The following CSMD1 variants were observed in gnomAD, a reference collection of about 807,000 sequenced individuals.
CSMD1 encodes the protein CUB and sushi domain-containing protein 1.
Under a neutral mutation model 417.5 loss-of-function variants are expected in CSMD1, and 213 were observed. The observed-to-expected ratio is 0.51, with a 90% CI of 0.46 to 0.57. CSMD1 has a LOEUF of 0.57. Among genes scored for constraint, CSMD1 ranks in the 20% least tolerant of loss-of-function variants. The probability of loss-of-function intolerance (pLI) is 0.00; values close to 1 mark genes in which losing one functional copy is unlikely to be tolerated. For missense variants in CSMD1, 6,923 were observed against 4,529.7 expected (o/e 1.53, Z -15.17); for synonymous variants, 2,862 against 1,736.8 (o/e 1.65, Z -16.11).
chr8:3,320,012 C>T (rs1162540126), intron 23 of CSMD1, among the ~76,000 whole-genome samples: 1 of 152,120 alleles, frequency 6.6e-6, no homozygotes, highest in Non-Finnish European at 1.5e-5. Flanking sequence ...ATAGACCGGG[C>T]CCCAACTTCA....
chr8:4,246,931 G>C (rs879580781), intron 3 of CSMD1, among the ~76,000 whole-genome samples: 2 of 152,178 alleles, frequency 1.3e-5, no homozygotes, highest in Non-Finnish European at 2.9e-5. Flanking sequence ...TTGTAAGAGA[G>C]AATGTAGATA....
chr8:4,253,463 A>T (rs1803227211), intron 3 of CSMD1, among the ~76,000 whole-genome samples: 1 of 152,174 alleles, frequency 6.6e-6, no homozygotes, highest in Non-Finnish European at 1.5e-5. Context: ...CCTAATAAAC[A>T]TTTGTTGTTT....
intron 2 of CSMD1, among the ~76,000 whole-genome samples, chr8:4,512,071 G>C (rs148597036): frequency 6.6e-6 from 1 of 152,014 alleles, no homozygotes; most frequent in East Asian, 1.9e-4. Flanking sequence ...ATTCAACAAC[G>C]TATAAAAAGA....
At chr8:4,555,227 C>T (rs934016957) in intron 2 of CSMD1, among the ~76,000 whole-genome samples, 2 of 152,170 alleles carry the variant, frequency 1.3e-5, no homozygotes, top group African/African-American at 2.4e-5. Context: ...GACCAGCTTA[C>T]GGGTTATTGC....
chr8:4,344,189 T>C (rs1171838689), intron 3 of CSMD1, among the ~76,000 whole-genome samples: 1 of 152,126 alleles, frequency 6.6e-6, no homozygotes, highest in Non-Finnish European at 1.5e-5. Flanking sequence ...TTCAGATTTC[T>C]CTGTAACCGT....
chr8:4,633,310 G>C lies in CSMD1; in HGVS notation c.302+4032C>G, dbSNP rs187121314. Reference sequence around the variant, plus strand: ...CCCCCAGGCTGGAGTGCAGTGGTGCGATCTCGGCTCACTGAAAGCTCCGCC... The same window carrying C: ...CCCCCAGGCTGGAGTGCAGTGGTGCCATCTCGGCTCACTGAAAGCTCCGCC... On this transcript the variant is annotated intron_variant, in intron 2 of 69. Transcript: ENST00000635120. 2.1e-3 allele frequency among the ~76,000 whole-genome samples: 323 copies of C among 151,974 alleles called. 1 individual carries two copies. Among genetic ancestry groups the C allele is most frequent in the African/African-American group, 7.4e-3 (305 of 41,450 alleles).
intron 3 of CSMD1, among the ~76,000 whole-genome samples, chr8:4,128,595 C>T (rs1802904460): frequency 6.6e-6 from 1 of 152,150 alleles, no homozygotes; most frequent in Non-Finnish European, 1.5e-5. Context: ...CCTTCAAAGA[C>T]CATTGTTACA....
At chr8:3,718,549 T>G (rs1338470065) in intron 6 of CSMD1, among the ~76,000 whole-genome samples, 1 of 152,316 alleles carries the variant, frequency 6.6e-6, no homozygotes, top group East Asian at 1.9e-4. Flanking sequence ...CAGAATCTTT[T>G]AATTTAATGT....
intron 2 of CSMD1, among the ~76,000 whole-genome samples, chr8:4,420,287 C>T (rs1797173930): frequency 6.6e-6 from 1 of 152,004 alleles, no homozygotes; most frequent in Non-Finnish European, 1.5e-5. Flanking sequence ...GAGAGAATTT[C>T]TTCTTGAAAA....
chr8:3,308,265 C>T lies in CSMD1; in HGVS notation c.3823+47G>A, dbSNP rs747489784. 7 of 1,486,236 alleles carry T rather than the reference C, an allele frequency of 4.7e-6. 1 individual carries two copies. Among genetic ancestry groups the T allele is most frequent in the Admixed American group, 3.5e-5 (2 of 57,866 alleles). The allele number at this position is 1,486,236 out of a possible 1,614,324, so 92.1% of individuals were successfully genotyped here. A position where few individuals can be genotyped will look rare whatever the true frequency, so the allele number is the denominator to read the frequency against. On this transcript the variant is annotated intron_variant, in intron 24 of 69. Transcript: ENST00000635120. ...AGTCAATGCAACATGGTGCAAGCAC[C>T]CTAAGGCCTGGCTTTTGCACAATGG...
At chr8:3,609,277 T>G (rs1166425776) in intron 8 of CSMD1, among the ~76,000 whole-genome samples, 1 of 152,166 alleles carries the variant, frequency 6.6e-6, no homozygotes, top group East Asian at 1.9e-4. Context: ...ACCCATAAAT[T>G]CTCAATACCA....
At chr8:3,740,325 C>T (rs543523943) in intron 6 of CSMD1, among the ~76,000 whole-genome samples, 28 of 152,190 alleles carry the variant, frequency 1.8e-4, no homozygotes, top group South Asian at 6.2e-4. Context: ...AGGCTGGTCT[C>T]GAACTCCTTA....
chr8:4,456,716 C>A (rs1432817517), intron 2 of CSMD1, among the ~76,000 whole-genome samples: 1 of 152,000 alleles, frequency 6.6e-6, no homozygotes, highest in Non-Finnish European at 1.5e-5. Context: ...GCATGTGGAC[C>A]CCCTGCTGCA....
intron 1 of CSMD1, among the ~76,000 whole-genome samples, chr8:4,777,959 T>A (rs571912631): frequency 1.1e-4 from 16 of 152,178 alleles, no homozygotes; most frequent in Non-Finnish European, 1.8e-4. Context: ...GTGTGACAAA[T>A]ACGTTTTACA....
intron 12 of CSMD1, among the ~76,000 whole-genome samples, chr8:3,434,245 T>C (rs1468509329): frequency 6.6e-6 from 1 of 152,226 alleles, no homozygotes; most frequent in African/African-American, 2.4e-5. Context: ...AAGGTACGAC[T>C]AAATCGTTTT....
At chr8:3,468,675 C>A in intron 12 of CSMD1, 37 bp downstream of exon 12, 1 of 1,375,092 alleles carries the variant, frequency 7.3e-7, no homozygotes, top group Non-Finnish European at 1.0e-6. Context: ...TCTTGGAATG[C>A]TAACTTCCAA....
intron 23 of CSMD1, among the ~76,000 whole-genome samples, chr8:3,336,289 C>A (rs1015672753): frequency 6.6e-6 from 1 of 152,134 alleles, no homozygotes; most frequent in East Asian, 1.9e-4. Flanking sequence ...TCCAAGGCCC[C>A]TGAACCCTGA....
intron 3 of CSMD1, among the ~76,000 whole-genome samples, chr8:4,401,984 C>T (rs1027758305): frequency 2.4e-4 from 36 of 152,082 alleles, no homozygotes; most frequent in African/African-American, 8.0e-4. Context: ...ATTTCAGCAC[C>T]GGACTCCCTG....
chr8:3,235,817 T>C (rs1799115600), intron 26 of CSMD1, among the ~76,000 whole-genome samples: 1 of 151,978 alleles, frequency 6.6e-6, no homozygotes, highest in Admixed American at 6.6e-5. Context: ...CAGCATGCAA[T>C]TAAAAGTTTT....
Sources: allele counts gnomAD v4.1 joint callset (sites outside exome capture counted in the v4.1 genomes callset), GRCh38; gene constraint gnomAD v4.1.1; transcripts MANE v1.5; gene names NCBI Gene and HGNC (gene_info 2026-07-23, HGNC 2026-07-21).